CPSF7: variants seen among roughly 807,000 people sequenced by gnomAD.
The protein encoded by CPSF7 is cleavage and polyadenylation specific factor 7, also known as cleavage and polyadenylation specificity factor subunit 7.
Under a neutral mutation model 44.3 loss-of-function variants are expected in CPSF7, and 1 was observed. That is an observed-to-expected ratio of 0.02 (90% CI 0.01 to 0.11). The LOEUF is 0.11. Among genes scored for constraint, CPSF7 ranks in the 10% least tolerant of loss-of-function variants. CPSF7 has a pLI of 1.00. For synonymous variants in CPSF7, 202 were observed against 222.0 expected (o/e 0.91, Z 0.80); for missense variants, 443 against 607.2 (o/e 0.73, Z 2.84).
intron 9 of CPSF7, among the ~76,000 whole-genome samples, chr11:61,409,161 AC>A (rs1363118530): frequency 6.6e-6 from 1 of 151,412 alleles, no homozygotes; most frequent in Non-Finnish European, 1.5e-5. Context: ...AAAAACAAAA[AC>A]AAAAACAAAA....
chr11:61,412,157 CTG>C (rs1405405316), intron 7 of CPSF7, among the ~76,000 whole-genome samples: 2 of 152,202 alleles, frequency 1.3e-5, no homozygotes. Flanking sequence ...AACTGACACA[CTG>C]TTGTCCAGGG....
chr11:61,421,123 T>G (rs1268952824), intron 3 of CPSF7: 1 of 1,414,796 alleles, frequency 7.1e-7, no homozygotes, highest in African/African-American at 1.4e-5. Flanking sequence ...GTCCCTCAGA[T>G]GACCCTGCTA....
Position 61,411,743 on chromosome 11 carries a change from A to G in CPSF7, c.1226+26T>C, listed in dbSNP as rs566417848. On this transcript the variant is annotated intron_variant, in intron 8 of 9. Transcript: ENST00000439958. ...TGGAAGAGTGCTGCTTGGGGCTGGT[A>G]GGTGAGGACACAATCACCAACTCAC... The G allele has an allele frequency of 5.0e-5, 80 of 1,595,946 alleles. 1 individual carries two copies. In the South Asian group the frequency reaches 7.7e-4, roughly 15 times the overall value.
intron 2 of CPSF7, chr11:61,427,425 C>A (rs1244529552): frequency 6.6e-6 from 1 of 151,954 alleles, no homozygotes; most frequent in Non-Finnish European, 1.5e-5. Context: ...GAGGCTAAGG[C>A]GGGCGGATCA....
intron 2 of CPSF7, 38 bp from the exon 3 acceptor site, chr11:61,421,646 C>T: frequency 7.0e-7 from 1 of 1,428,522 alleles, no homozygotes; most frequent in Non-Finnish European, 9.8e-7. Flanking sequence ...GGTCTGCAAA[C>T]TTCATTTTGT....
Position 61,411,874 on chromosome 11 carries a change from A to G in CPSF7, c.1121T>C (p.Val374Ala). Residue 374 changes from valine (V) to alanine (A), a missense_variant, in exon 8 of 10, where the codon GTT becomes GCT. Physicochemically the swap from Val to Ala is moderately conservative, Grantham distance 64. Coordinates refer to ENST00000439958, the MANE Select transcript of CPSF7 (RefSeq NM_001142565.3). ...TAIAVIKQSR[V>A]ANDERCRVLI... ...GACACGGCAACGCTCATCATTGGCA[A>G]CCCGGGACTGTTTGATAACCGCAAT... 1 of 1,614,144 alleles carries G rather than the reference A, an allele frequency of 6.2e-7. No homozygotes were observed. Among genetic ancestry groups the G allele is most frequent in the Non-Finnish European group, 8.5e-7 (1 of 1,179,994 alleles).
At chr11:61,417,377 G>T (rs2135335086) in intron 5 of CPSF7, among the ~76,000 whole-genome samples, 1 of 152,322 alleles carries the variant, frequency 6.6e-6, no homozygotes, top group South Asian at 2.1e-4. Flanking sequence ...TGGAAGCATG[G>T]ATTCTGACAT....
chr11:61,413,594 G>A (rs1860045468), intron 7 of CPSF7, among the ~76,000 whole-genome samples: 1 of 149,118 alleles, frequency 6.7e-6, no homozygotes, highest in Admixed American at 6.8e-5. Context: ...TCAGACCACT[G>A]CACTACTCCA....
chr11:61,417,360 A>G (rs896666425), intron 5 of CPSF7, among the ~76,000 whole-genome samples: 7 of 152,226 alleles, frequency 4.6e-5, no homozygotes, highest in African/African-American at 1.7e-4. Context: ...AACATGTTTT[A>G]AACAGCTGGA....
chr11:61,422,243 G>C (rs1179403652), intron 2 of CPSF7, among the ~76,000 whole-genome samples: 1 of 151,646 alleles, frequency 6.6e-6, no homozygotes. Context: ...AACAACAGGG[G>C]TTTTCCCCTA....
At chr11:61,429,837 C>T (rs1218920107) in intron 1 of CPSF7, 77 bp downstream of exon 1, 14 of 1,546,662 alleles carry the variant, frequency 9.1e-6, no homozygotes, top group Non-Finnish European at 1.2e-5. Context: ...CCATCTCAAC[C>T]GACCCCCTTC....
chr11:61,405,566 TCCAATGCTGCAATAC>T (rs1232956924), intron 9 of CPSF7, among the ~76,000 whole-genome samples: 1 of 152,168 alleles, frequency 6.6e-6, no homozygotes, highest in African/African-American at 2.4e-5. Flanking sequence ...CAGCACCTGT[TCCAATGCTGCAATAC>T]CCATCTGCGG....
At chr11:61,419,675 T>G (rs1860678889) in intron 5 of CPSF7, among the ~76,000 whole-genome samples, 1 of 152,168 alleles carries the variant, frequency 6.6e-6, no homozygotes, top group South Asian at 2.1e-4. Context: ...AGGCCCTAAG[T>G]AGTAAAGTGA....
At chr11:61,411,733 T>C in intron 8 of CPSF7, 36 bp downstream of exon 8, 1 of 1,588,024 alleles carries the variant, frequency 6.3e-7, no homozygotes, top group Non-Finnish European at 8.6e-7. Flanking sequence ...GAGTGCTGCT[T>C]GGGGCTGGTA....
At chr11:61,429,685 A>T in intron 1 of CPSF7, 1 of 1,488,106 alleles carries the variant, frequency 6.7e-7, no homozygotes. Context: ...AAGCAGCTCC[A>T]GCCGCCTCTG....
chr11:61,418,548 C>G (rs1445718436), intron 5 of CPSF7, among the ~76,000 whole-genome samples: 1 of 152,106 alleles, frequency 6.6e-6, no homozygotes, highest in Non-Finnish European at 1.5e-5. Context: ...GCCAAGCAGA[C>G]CAGAATACTT....
intron 5 of CPSF7, among the ~76,000 whole-genome samples, chr11:61,419,244 A>T (rs1244502211): frequency 6.6e-6 from 1 of 152,124 alleles, no homozygotes; most frequent in Non-Finnish European, 1.5e-5. Flanking sequence ...GGCTGGTCTC[A>T]AACTCTTGAC....
chr11:61,405,636 C>A (rs1373897708), intron 9 of CPSF7, among the ~76,000 whole-genome samples: 2 of 152,136 alleles, frequency 1.3e-5, no homozygotes, highest in Non-Finnish European at 2.9e-5. Context: ...AATTAATAGC[C>A]AAAGGGAAAA....
chr11:61,422,489 AT>A (rs1565115690), intron 2 of CPSF7, among the ~76,000 whole-genome samples: 1 of 151,638 alleles, frequency 6.6e-6, no homozygotes, highest in Non-Finnish European at 1.5e-5. Flanking sequence ...TAATTTTCAA[AT>A]TTTTTTTGTA....
Sources: gnomAD v4.1 joint callset for allele counts (sites outside exome capture counted in the v4.1 genomes callset) on GRCh38, gnomAD v4.1.1 for gene constraint, MANE v1.5 for transcripts, NCBI Gene and HGNC (gene_info 2026-07-23, HGNC 2026-07-21) for gene names.